Variants in SCFD2 observed in about 807,000 individuals in gnomAD.
The protein encoded by SCFD2 is sec1 family domain-containing protein 2.
A neutral mutation model predicts 58.9 loss-of-function variants in SCFD2; 54 were observed. That is an observed-to-expected ratio of 0.92 (90% CI 0.74 to 1.15). The LOEUF (loss-of-function observed/expected upper bound fraction) is 1.15. Among genes scored for constraint, SCFD2 ranks in the 50% most tolerant of loss-of-function variants. The pLI is 0.00. For synonymous variants in SCFD2, 321 were observed against 335.9 expected (o/e 0.96, Z 0.49); for missense variants, 805 against 836.6 (o/e 0.96, Z 0.47).
chr4:53,156,792 T>C (rs1052191309), intron 4 of SCFD2, among the ~76,000 whole-genome samples: 16 of 152,220 alleles, frequency 1.1e-4, no homozygotes, highest in African/African-American at 3.9e-4. Flanking sequence ...CATGACAAAA[T>C]GGGAGTATGT....
At chr4:53,137,600 C>G (rs2148905033) in intron 5 of SCFD2, among the ~76,000 whole-genome samples, 1 of 152,306 alleles carries the variant, frequency 6.6e-6, no homozygotes, top group South Asian at 2.1e-4. Context: ...TATCATGCCT[C>G]TATCATGAAC....
intron 2 of SCFD2, among the ~76,000 whole-genome samples, chr4:53,314,056 A>AG (rs1732784012): frequency 1.3e-5 from 2 of 152,208 alleles, no homozygotes; most frequent in African/African-American, 4.8e-5. Context: ...TTTTGCACTT[A>AG]AATCTTTCAG....
chr4:53,197,481 T>G (rs1168566059), intron 4 of SCFD2, among the ~76,000 whole-genome samples: 1 of 152,026 alleles, frequency 6.6e-6, no homozygotes, highest in Non-Finnish European at 1.5e-5. Context: ...GTTGGCATAA[T>G]TACAGAAATT....
chr4:53,229,723 T>C (rs1369810451), intron 4 of SCFD2, among the ~76,000 whole-genome samples: 1 of 152,218 alleles, frequency 6.6e-6, no homozygotes, highest in Non-Finnish European at 1.5e-5. Flanking sequence ...AAGGACTTCA[T>C]GTCTAAAACA....
At chr4:52,910,303 C>T (rs1279473762) in intron 6 of SCFD2, among the ~76,000 whole-genome samples, 1 of 152,194 alleles carries the variant, frequency 6.6e-6, no homozygotes, top group East Asian at 1.9e-4. Flanking sequence ...GGAGCTCCAG[C>T]AGCCATCTTG....
At chr4:53,302,748 C>G (rs888087022) in intron 3 of SCFD2, among the ~76,000 whole-genome samples, 2 of 152,160 alleles carry the variant, frequency 1.3e-5, no homozygotes, top group Admixed American at 1.3e-4. Flanking sequence ...GGTACCAAAA[C>G]AGACATATAG....
intron 2 of SCFD2, among the ~76,000 whole-genome samples, chr4:53,341,585 C>A (rs1733876707): frequency 6.6e-6 from 1 of 152,122 alleles, no homozygotes; most frequent in Non-Finnish European, 1.5e-5. Context: ...GGCCAACATT[C>A]AAATTCAGGA....
At chr4:53,329,608 C>A (rs964153743) in intron 2 of SCFD2, among the ~76,000 whole-genome samples, 4 of 151,996 alleles carry the variant, frequency 2.6e-5, no homozygotes, top group Non-Finnish European at 5.9e-5. Flanking sequence ...TCACCATCAT[C>A]AAAGACCAAA....
At chr4:52,910,599 A>G (rs1390120443) in intron 6 of SCFD2, among the ~76,000 whole-genome samples, 1 of 152,248 alleles carries the variant, frequency 6.6e-6, no homozygotes, top group Non-Finnish European at 1.5e-5. Context: ...ATTAAAACTC[A>G]TTAGCAGAAT....
chr4:53,294,151 A>G (rs1348374431), intron 3 of SCFD2, among the ~76,000 whole-genome samples: 1 of 152,184 alleles, frequency 6.6e-6, no homozygotes, highest in Non-Finnish European at 1.5e-5. Flanking sequence ...TCCTTGGGGT[A>G]TATACCCAGT....
At chr4:53,087,657 CTTTTTTTT>C (rs34727687) in intron 5 of SCFD2, among the ~76,000 whole-genome samples, 1 of 115,218 alleles carries the variant, frequency 8.7e-6, no homozygotes, top group African/African-American at 3.1e-5. Flanking sequence ...TTTCTTTTTC[CTTTTTTTT>C]TTTTTTTTTT....
intron 3 of SCFD2, among the ~76,000 whole-genome samples, chr4:53,285,173 T>C (rs1731627631): frequency 6.6e-6 from 1 of 152,162 alleles, no homozygotes; most frequent in African/African-American, 2.4e-5. Flanking sequence ...CAGTGAAACA[T>C]AAAACCATCA....
intron 5 of SCFD2, among the ~76,000 whole-genome samples, chr4:53,014,051 G>A (rs951975974): frequency 6.6e-6 from 1 of 152,212 alleles, no homozygotes; most frequent in Admixed American, 6.5e-5. Flanking sequence ...CTGAGCATGT[G>A]TTGGGTCCCG....
intron 5 of SCFD2, among the ~76,000 whole-genome samples, chr4:53,027,398 G>A (rs1168365495): frequency 6.6e-6 from 1 of 152,122 alleles, no homozygotes; most frequent in Non-Finnish European, 1.5e-5. Flanking sequence ...GGTGATTAGA[G>A]AAATCTCTCC....
At chr4:53,192,258 C>G (rs1727936178) in intron 4 of SCFD2, among the ~76,000 whole-genome samples, 1 of 152,170 alleles carries the variant, frequency 6.6e-6, no homozygotes, top group Non-Finnish European at 1.5e-5. Flanking sequence ...GTTTCTACTG[C>G]CTGCCTGGCC....
At chr4:53,015,092 T>C (rs1223894059) in intron 5 of SCFD2, among the ~76,000 whole-genome samples, 1 of 152,182 alleles carries the variant, frequency 6.6e-6, no homozygotes, top group Non-Finnish European at 1.5e-5. Flanking sequence ...GAAAAGGCAC[T>C]GTGTTAAAAT....
chr4:53,069,724 A>C (rs1723764715), intron 5 of SCFD2, among the ~76,000 whole-genome samples: 1 of 152,242 alleles, frequency 6.6e-6, no homozygotes, highest in Middle Eastern at 3.4e-3. Context: ...ATAGAAAAGA[A>C]GCTCTAGACA....
At chr4:53,087,657 CTTTTTTTTTTT>C (rs34727687) in intron 5 of SCFD2, among the ~76,000 whole-genome samples, 2 of 115,218 alleles carry the variant, frequency 1.7e-5, no homozygotes, top group African/African-American at 3.1e-5. Flanking sequence ...TTTCTTTTTC[CTTTTTTTTTTT>C]TTTTTTTTTG....
intron 4 of SCFD2, among the ~76,000 whole-genome samples, chr4:53,241,783 T>C (rs1484615004): frequency 6.6e-6 from 1 of 152,202 alleles, no homozygotes; most frequent in Admixed American, 6.5e-5. Context: ...ACCATTGTTG[T>C]CTGAGCATTA....
Sources: allele counts gnomAD v4.1 joint callset (sites outside exome capture counted in the v4.1 genomes callset), GRCh38; gene constraint gnomAD v4.1.1; transcripts MANE v1.5; gene names NCBI Gene and HGNC (gene_info 2026-07-23, HGNC 2026-07-21).